The following PAX3 variants were observed in gnomAD, a reference collection of about 807,000 sequenced individuals.
The protein encoded by PAX3 is paired box protein Pax-3.
A neutral mutation model predicts 51.6 loss-of-function variants in PAX3; 14 were observed. The ratio of observed to expected loss-of-function variants is 0.27; its 90% CI spans 0.18 to 0.42. The LOEUF (loss-of-function observed/expected upper bound fraction) is 0.42, where lower values mean the gene tolerates loss of function less well. Among genes scored for constraint, PAX3 ranks in the 10% least tolerant of loss-of-function variants. The pLI is 1.00. For missense variants in PAX3, 540 were observed against 642.8 expected, an observed-to-expected ratio of 0.84 and a Z score of 1.73; for synonymous variants, 280 against 253.4, an observed-to-expected ratio of 1.11 and a Z score of -1.00.
At chr2:222,220,783 A>C (rs548313948) in intron 6 of PAX3, among the ~76,000 whole-genome samples, 6 of 152,184 alleles carry the variant, frequency 3.9e-5, no homozygotes, top group Admixed American at 1.3e-4. Flanking sequence ...CATAATCCAA[A>C]ATAATCGGAT....
chr2:222,293,648 A>G (rs373550578), intron 4 of PAX3: 6 of 1,614,112 alleles, frequency 3.7e-6, no homozygotes, highest in East Asian at 2.2e-5. Flanking sequence ...ACACACAGAC[A>G]TATTTATAAG....
chr2:222,263,172 G>T (rs983215209), intron 4 of PAX3: 2 of 152,106 alleles, frequency 1.3e-5, no homozygotes, highest in African/African-American at 4.8e-5. Context: ...GAATGAAAAG[G>T]CAATGTAGAG....
At chr2:222,208,190 T>G (rs1691587181) in intron 7 of PAX3, among the ~76,000 whole-genome samples, 1 of 152,148 alleles carries the variant, frequency 6.6e-6, no homozygotes, top group African/African-American at 2.4e-5. Context: ...AATTCTCATA[T>G]GTTTTAATTC....
intron 4 of PAX3, among the ~76,000 whole-genome samples, chr2:222,257,424 C>CA (rs1240218654): frequency 6.6e-6 from 1 of 152,136 alleles, no homozygotes; most frequent in Admixed American, 6.5e-5. Flanking sequence ...CCAGCAGCTA[C>CA]AAAAAATTTG....
chr2:222,270,587 A>G (rs1391562254), intron 4 of PAX3, among the ~76,000 whole-genome samples: 4 of 152,206 alleles, frequency 2.6e-5, no homozygotes, highest in Non-Finnish European at 4.4e-5. Flanking sequence ...TCTGGTTCAG[A>G]GTTGCCAAAA....
rs1475777109 is a variant in PAX3 at position 222,200,265 on chromosome 2, T to C, written c.*1143A>G. ...TGTAAACCTCAGTTCCTATAATCTT[T>C]TAATATTGGATATCATTGTATAATT... On this transcript the variant is annotated 3_prime_UTR_variant, in exon 9 of 9. Coordinates refer to ENST00000392070, the MANE Select transcript of PAX3 (RefSeq NM_181458.4). 3 of 218,422 alleles carry C rather than the reference T, an allele frequency of 1.4e-5. No homozygotes were observed. Among genetic ancestry groups the C allele is most frequent in the Non-Finnish European group, 2.8e-5 (3 of 108,564 alleles). 13.5% of individuals were successfully genotyped at this position (218,422 alleles called of 1,614,324 possible). A position where few individuals can be genotyped will look rare whatever the true frequency, so the allele number is the denominator to read the frequency against.
chr2:222,263,031 T>C (rs755924518), intron 4 of PAX3: 1 of 152,202 alleles, frequency 6.6e-6, no homozygotes, highest in Non-Finnish European at 1.5e-5. Flanking sequence ...ATTTTCAGAA[T>C]ATTTTCAGGA....
In PAX3 at chr2:222,298,607, C is replaced by A; in HGVS notation, c.9G>T (p.Thr3=). Residue 3 remains threonine (T), a synonymous_variant, in exon 1 of 9, where the codon ACG becomes ACT. Transcript: ENST00000392070. ...TCATCCTGGGCACAGCGCCGGCCAG[C>A]GTGGTCATCCTGGGGGCAGCTTCGC... is the stretch of plus-strand genomic sequence containing the variant. MT[T]LAGAVPRMMR... 1 of 1,605,792 alleles carries A rather than the reference C, an allele frequency of 6.2e-7. No homozygotes were observed. The highest frequency in any genetic ancestry group is 8.5e-7 in the Non-Finnish European group (1 of 1,176,544).
Position 222,202,152 on chromosome 2 carries a change from A to T in PAX3, c.1212T>A (p.His404Gln). The change falls in exon 8 of 9, where the codon CAT (histidine) becomes CAA (glutamine). Residue 404 changes from histidine (H) to glutamine (Q), a missense_variant. Around this residue, in one of 3 missense-constraint regions of PAX3, gnomAD observed 427 missense variants for 483.6 expected, o/e 0.88. Coordinates refer to ENST00000392070, the MANE Select transcript of PAX3 (RefSeq NM_181458.4). Reference sequence around the variant, plus strand: ...AGAGCGCGTAATCAGTCTGGGGCTGATGAGGTACCCCACCGTGGTTGGTCA... The same window carrying T: ...AGAGCGCGTAATCAGTCTGGGGCTGTTGAGGTACCCCACCGTGGTTGGTCA... ...GLLTNHGGVP[H>Q]QPQTDYALSP... The T allele has an allele frequency of 2.5e-6, 4 of 1,609,710 alleles. No homozygotes were observed. The highest frequency in any genetic ancestry group is 3.4e-6 in the Non-Finnish European group (4 of 1,177,750).
chr2:222,253,144 T>C (rs1693502522), intron 4 of PAX3, among the ~76,000 whole-genome samples: 1 of 152,188 alleles, frequency 6.6e-6, no homozygotes, highest in Non-Finnish European at 1.5e-5. Context: ...ACTGTTGTTC[T>C]ATTCCGAGGA....
intron 4 of PAX3, among the ~76,000 whole-genome samples, chr2:222,274,968 A>C (rs1694368093): frequency 6.6e-6 from 1 of 152,224 alleles, no homozygotes; most frequent in Admixed American, 6.5e-5. Flanking sequence ...CAATAATTTG[A>C]ACTGTTTTGA....
intron 4 of PAX3, among the ~76,000 whole-genome samples, chr2:222,266,539 T>C (rs1001031625): frequency 1.3e-5 from 2 of 152,208 alleles, no homozygotes; most frequent in African/African-American, 2.4e-5. Context: ...AATCACATAG[T>C]GTGGCAGTTA....
chr2:222,265,670 G>GGAAGGAAGGAAT (rs1219025800), intron 4 of PAX3, among the ~76,000 whole-genome samples: 2 of 147,470 alleles, frequency 1.4e-5, no homozygotes, highest in Non-Finnish European at 3.0e-5. Flanking sequence ...AAGGAAGGAA[G>GGAAGGAAGGAAT]GAAGGAAGGA....
chr2:222,240,737 C>T (rs1359685336), intron 4 of PAX3, among the ~76,000 whole-genome samples: 1 of 152,206 alleles, frequency 6.6e-6, no homozygotes, highest in Non-Finnish European at 1.5e-5. Flanking sequence ...AGAACCCTAA[C>T]ACTGACCCAA....
intron 6 of PAX3, 126 bp downstream of exon 6, chr2:222,221,096 G>A (rs1692174636): frequency 2.2e-6 from 2 of 913,486 alleles, no homozygotes; most frequent in Non-Finnish European, 3.7e-6. Context: ...GTACGTTCAG[G>A]ACAACCTGAT....
chr2:222,254,892 C>G (rs2106132483), intron 4 of PAX3, among the ~76,000 whole-genome samples: 1 of 152,230 alleles, frequency 6.6e-6, no homozygotes, highest in East Asian at 1.9e-4. Context: ...AAGCAACTCT[C>G]CTGTCTCAGC....
chr2:222,261,923 C>G (rs994735111), intron 4 of PAX3, among the ~76,000 whole-genome samples: 2 of 152,236 alleles, frequency 1.3e-5, no homozygotes, highest in Admixed American at 1.3e-4. Context: ...ACAAGCATGA[C>G]AGGCAACCAG....
rs1319504833 is a variant in PAX3, at chr2:222,294,497, C to T, written c.452-196G>A. Among the ~76,000 whole-genome samples, 5 of 152,242 alleles carry T rather than the reference C, an allele frequency of 3.3e-5. No individual in the cohort carries two copies. The East Asian group carries it at 7.7e-4, about 24-fold the overall frequency. On this transcript the variant is annotated intron_variant, in intron 3 of 8. Transcript: ENST00000392070. The stretch of plus-strand genomic sequence containing the variant: ...CCCTCTCATCCTGCCACTCAAACCC[C>T]CCTCCCTATTATCTGTATCTCGGTA...
At chr2:222,255,917 ATTTTTTT>A (rs57757180) in intron 4 of PAX3, among the ~76,000 whole-genome samples, 17 of 98,344 alleles carry the variant, frequency 1.7e-4, no homozygotes, top group East Asian at 3.0e-4. Context: ...CGCCCAGCTA[ATTTTTTT>A]TTTTTTTTTT....
Sources: gnomAD v4.1 joint callset for allele counts (sites outside exome capture counted in the v4.1 genomes callset) on GRCh38, gnomAD v4.1.1 for gene constraint, gnomAD v4.1.1 regional missense constraint, MANE v1.5 for transcripts, NCBI Gene and HGNC (gene_info 2026-07-23, HGNC 2026-07-21) for gene names.